Variants in SPATA13 observed in about 807,000 individuals in gnomAD.
The protein encoded by SPATA13 is spermatogenesis associated 13, also known as spermatogenesis-associated protein 13.
Under a neutral mutation model 104.0 loss-of-function variants are expected in SPATA13, and 50 were observed. That is an observed-to-expected ratio of 0.48 (90% CI 0.38 to 0.61). The LOEUF (loss-of-function observed/expected upper bound fraction) is 0.61, where lower values mean the gene tolerates loss of function less well. Ranked by LOEUF, SPATA13 falls within the 20% of genes least tolerant of loss-of-function variation. The pLI is 0.00. For missense variants in SPATA13, 1,524 were observed against 1,690.6 expected, an observed-to-expected ratio of 0.90 and a Z score of 1.73; for synonymous variants, 606 against 667.5, an observed-to-expected ratio of 0.91 and a Z score of 1.42.
At chr13:24,110,072 A>C (rs1197662200) in intron 3 of SPATA13, among the ~76,000 whole-genome samples, 2 of 150,222 alleles carry the variant, frequency 1.3e-5, no homozygotes, top group Non-Finnish European at 3.0e-5. Context: ...TTTTGTTTCC[A>C]TTTTTGGCTG....
chr13:24,231,869 G>A lies in SPATA13; in HGVS notation c.1653+7287G>A, dbSNP rs927388516. On this transcript the variant is annotated intron_variant, in intron 2 of 12. Coordinates refer to ENST00000382108, the MANE Select transcript of SPATA13 (RefSeq NM_001166271.3). Reference sequence around the variant, plus strand: ...CTAATGACTAATGATGTTGAACGTCGTTTCATGTGGTTATTAGCCATTCAA... The same window carrying A: ...CTAATGACTAATGATGTTGAACGTCATTTCATGTGGTTATTAGCCATTCAA... 4.6e-5 allele frequency among the ~76,000 whole-genome samples: 7 copies of A among 152,156 alleles called. No homozygotes were observed. The East Asian group carries it at 5.8e-4, about 13-fold the overall frequency.
intron 1 of SPATA13, among the ~76,000 whole-genome samples, chr13:24,190,293 T>TGG (rs1275200975): frequency 0.045 from 354 of 7,846 alleles, 127 homozygotes; most frequent in Admixed American, 0.07. Context: ...ATATATAATA[T>TGG]TATATATTAT....
At chr13:24,016,280 G>C (rs1876709697) in intron 2 of SPATA13, among the ~76,000 whole-genome samples, 1 of 152,166 alleles carries the variant, frequency 6.6e-6, no homozygotes, top group African/African-American at 2.4e-5. Context: ...CGTGGCCCTG[G>C]GCCCTCCAGG....
chr13:24,241,615 A>C (rs1411484997), intron 2 of SPATA13, among the ~76,000 whole-genome samples: 1 of 152,234 alleles, frequency 6.6e-6, no homozygotes, highest in Non-Finnish European at 1.5e-5. Context: ...GGAAAGAGCC[A>C]GGGAGTGGAG....
intron 3 of SPATA13, among the ~76,000 whole-genome samples, chr13:24,029,491 A>C (rs1771635685): frequency 6.6e-6 from 1 of 152,236 alleles, no homozygotes; most frequent in Admixed American, 6.5e-5. Flanking sequence ...AATTTCAATT[A>C]AACAATAAAA....
chr13:24,135,897 C>T (rs1881549472), intron 3 of SPATA13, among the ~76,000 whole-genome samples: 1 of 152,040 alleles, frequency 6.6e-6, no homozygotes, highest in African/African-American at 2.4e-5. Flanking sequence ...GCATATTAGC[C>T]TCACAAAAGT....
chr13:24,022,612 G>A (rs1212628866), intron 3 of SPATA13, among the ~76,000 whole-genome samples: 1 of 152,180 alleles, frequency 6.6e-6, no homozygotes, highest in Non-Finnish European at 1.5e-5. Flanking sequence ...TAAGTTATAT[G>A]TTTTCCACCA....
At chr13:24,014,202 C>T (rs1190445534) in intron 2 of SPATA13, among the ~76,000 whole-genome samples, 1 of 152,188 alleles carries the variant, frequency 6.6e-6, no homozygotes, top group Non-Finnish European at 1.5e-5. Context: ...ACTCCAGTCT[C>T]CACATTGCAT....
intron 4 of SPATA13, among the ~76,000 whole-genome samples, chr13:24,283,553 T>C (rs1238936709): frequency 6.6e-6 from 1 of 152,260 alleles, no homozygotes. Context: ...TCTAAAAAGC[T>C]GCACCATCCT....
At chr13:24,044,089 G>A (rs1878036833) in intron 3 of SPATA13, among the ~76,000 whole-genome samples, 1 of 152,192 alleles carries the variant, frequency 6.6e-6, no homozygotes, top group East Asian at 1.9e-4. Context: ...GCTAAAGCCC[G>A]GAAGGTGGAG....
Position 24,070,395 on chromosome 13 carries a change from A to G in SPATA13, c.-112+52694A>G, listed in dbSNP as rs563104698. 4.7e-4 allele frequency among the ~76,000 whole-genome samples: 71 copies of G among 152,176 alleles called. No homozygotes were observed. The South Asian group carries it at 5.2e-3, about 11-fold the overall frequency. ...CCCTCAGGGTAGGGATGGCCCCCCAATTGAAAGGAAGAGAGAGAGGAGATA... is the reference window on the plus strand; with the variant it reads ...CCCTCAGGGTAGGGATGGCCCCCCAGTTGAAAGGAAGAGAGAGAGGAGATA... On this transcript the variant is annotated intron_variant, in intron 3 of 14. Coordinates refer to the SPATA13 transcript ENST00000424834.
chr13:24,043,090 T>C (rs1877992061), intron 3 of SPATA13, among the ~76,000 whole-genome samples: 1 of 152,190 alleles, frequency 6.6e-6, no homozygotes, highest in Admixed American at 6.5e-5. Context: ...TTTCAGGTGT[T>C]GGCGAGGTCA....
At chr13:24,246,245 A>G (rs1194027390) in intron 2 of SPATA13, among the ~76,000 whole-genome samples, 1 of 152,192 alleles carries the variant, frequency 6.6e-6, no homozygotes, top group Non-Finnish European at 1.5e-5. Flanking sequence ...TTACAGGGCA[A>G]TAATGTAATT....
intron 3 of SPATA13, chr13:24,121,926 A>T: frequency 1.6e-6 from 1 of 643,788 alleles, no homozygotes; most frequent in South Asian, 1.9e-5. Flanking sequence ...ATCGGGTCCC[A>T]TCTCCTGGGG....
intron 1 of SPATA13, among the ~76,000 whole-genome samples, chr13:24,179,346 T>C (rs535223828): frequency 2.0e-5 from 3 of 152,336 alleles, no homozygotes; most frequent in South Asian, 2.1e-4. Flanking sequence ...TTTGGAAGAA[T>C]TGCCAGACTA....
intron 1 of SPATA13, among the ~76,000 whole-genome samples, chr13:24,193,082 G>A (rs1359085138): frequency 6.6e-6 from 1 of 152,224 alleles, no homozygotes; most frequent in Non-Finnish European, 1.5e-5. Flanking sequence ...CATAATCCAG[G>A]AAGGGACAGG....
chr13:24,207,132 C>T (rs1013574865), intron 1 of SPATA13, among the ~76,000 whole-genome samples: 9 of 152,162 alleles, frequency 5.9e-5, no homozygotes, highest in African/African-American at 1.9e-4. Flanking sequence ...AAACCAAATA[C>T]AGCATGTTCT....
At chr13:24,045,318 T>C (rs6490862) in intron 3 of SPATA13, among the ~76,000 whole-genome samples, 72,431 of 152,022 alleles carry the variant, frequency 0.48, 17,988 homozygotes, top group African/African-American at 0.61. Flanking sequence ...GTTTCTTCCC[T>C]TTCTATGAGG....
At chr13:24,271,797 T>C (rs1158754416) in intron 4 of SPATA13, among the ~76,000 whole-genome samples, 1 of 152,194 alleles carries the variant, frequency 6.6e-6, no homozygotes, top group African/African-American at 2.4e-5. Flanking sequence ...CGAGGCAGCC[T>C]GGGGCCCTGT....
Sources: allele counts gnomAD v4.1 joint callset (sites outside exome capture counted in the v4.1 genomes callset), GRCh38; gene constraint gnomAD v4.1.1; transcripts MANE v1.5; gene names NCBI Gene and HGNC (gene_info 2026-07-23, HGNC 2026-07-21).